Variants in SFMBT1 observed in about 807,000 individuals in gnomAD.
The protein encoded by SFMBT1 is scm-like with four MBT domains protein 1.
A neutral mutation model predicts 108.7 loss-of-function variants in SFMBT1; 32 were observed. The ratio of observed to expected loss-of-function variants is 0.29; its 90% CI spans 0.22 to 0.40. SFMBT1 has a LOEUF of 0.40. SFMBT1 is among the 10% of genes least tolerant of loss of function. The pLI, the probability that SFMBT1 is intolerant of heterozygous loss-of-function variation, is 1.00. For missense variants in SFMBT1, 816 were observed against 1,059.6 expected, an observed-to-expected ratio of 0.77 and a Z score of 3.19; for synonymous variants, 348 against 369.5, an observed-to-expected ratio of 0.94 and a Z score of 0.67.
intron 1 of SFMBT1, among the ~76,000 whole-genome samples, chr3:53,021,503 A>G (rs1370093548): frequency 6.6e-6 from 1 of 152,222 alleles, no homozygotes; most frequent in Non-Finnish European, 1.5e-5. Context: ...AAGTCAAAAG[A>G]CAACAAGTAT....
At chr3:53,021,750 T>C (rs998227187) in intron 1 of SFMBT1, among the ~76,000 whole-genome samples, 20 of 152,114 alleles carry the variant, frequency 1.3e-4, no homozygotes, top group African/African-American at 4.8e-4. Flanking sequence ...TATGGGAGTT[T>C]CCAATAACCA....
chr3:52,980,556 A>G (rs1184787991), intron 1 of SFMBT1, among the ~76,000 whole-genome samples: 5 of 152,140 alleles, frequency 3.3e-5, no homozygotes, highest in Non-Finnish European at 7.3e-5. Context: ...TGACATTATA[A>G]GAAAAAGCTG....
chr3:53,029,886 A>G (rs1447005537), intron 1 of SFMBT1, among the ~76,000 whole-genome samples: 1 of 151,348 alleles, frequency 6.6e-6, no homozygotes, highest in Admixed American at 6.6e-5. Flanking sequence ...CAGTTCCTCT[A>G]CCCTTGGCAT....
chr3:52,943,642 A>G, intron 3 of SFMBT1, 49 bp from the exon 4 acceptor site: 1 of 1,612,626 alleles, frequency 6.2e-7, no homozygotes, highest in Non-Finnish European at 8.5e-7. Context: ...TTAAATGAGT[A>G]TTTCTTTGAC....
chr3:53,012,322 T>C (rs1279469743), intron 1 of SFMBT1, among the ~76,000 whole-genome samples: 21 of 151,826 alleles, frequency 1.4e-4, no homozygotes. Context: ...GAATAAGAAG[T>C]AGGCATTTAA....
Position 52,996,087 on chromosome 3 carries a change from T to C in SFMBT1, c.-130-26829A>G, listed in dbSNP as rs2106904041. On this transcript the variant is annotated intron_variant, in intron 1 of 20. Transcript: ENST00000394752. ...CTCCATCTCAAAAAAAAACAAAACT[T>C]TTGCTCTTCAAAGACACAATGAAGA... Among the ~76,000 whole-genome samples the C allele has an allele frequency of 1.3e-5, 2 of 149,114 alleles. 1 individual carries two copies. The highest frequency in any genetic ancestry group is 3.9e-4 in the East Asian group (2 of 5,088).
At chr3:53,036,080 G>A (rs1699861023) in intron 1 of SFMBT1, among the ~76,000 whole-genome samples, 1 of 152,216 alleles carries the variant, frequency 6.6e-6, no homozygotes, top group Non-Finnish European at 1.5e-5. Flanking sequence ...AAGGAAGGAA[G>A]TGGGGTACAG....
intron 1 of SFMBT1, among the ~76,000 whole-genome samples, chr3:53,041,338 C>T (rs772504516): frequency 1.3e-5 from 2 of 152,036 alleles, no homozygotes; most frequent in African/African-American, 2.4e-5. Flanking sequence ...GTGTTCTTAT[C>T]CTTCCTCCCC....
intron 2 of SFMBT1, among the ~76,000 whole-genome samples, chr3:52,959,779 G>A (rs1319214876): frequency 6.6e-6 from 1 of 152,088 alleles, no homozygotes; most frequent in Non-Finnish European, 1.5e-5. Flanking sequence ...TGTTAAGTGA[G>A]CCAAGACTCA....
chr3:52,976,263 A>T lies in SFMBT1; in HGVS notation c.-130-7005T>A, dbSNP rs189117531. Among the ~76,000 whole-genome samples the T allele has an allele frequency of 2.3e-3, 346 of 152,294 alleles. 1 individual carries two copies. The highest frequency in any genetic ancestry group is 7.3e-3 in the African/African-American group (305 of 41,550). Reference sequence around the variant, plus strand: ...CAAAAAAAGTTTTTTCTCAAATCAAAATAGTGTAATATTAGCATAAGAAAA... The same window carrying T: ...CAAAAAAAGTTTTTTCTCAAATCAATATAGTGTAATATTAGCATAAGAAAA... On this transcript the variant is annotated intron_variant, in intron 1 of 20. Coordinates refer to ENST00000394752, the MANE Select transcript of SFMBT1 (RefSeq NM_016329.4).
chr3:52,974,858 T>A (rs913228603), intron 1 of SFMBT1, among the ~76,000 whole-genome samples: 21 of 97,638 alleles, frequency 2.2e-4, no homozygotes, highest in Middle Eastern at 5.8e-3. Flanking sequence ...AAAAAAAAAA[T>A]TAGCTGAGTG....
intron 14 of SFMBT1, among the ~76,000 whole-genome samples, chr3:52,915,871 A>G (rs950275015): frequency 1.3e-5 from 2 of 152,258 alleles, no homozygotes; most frequent in African/African-American, 4.8e-5. Context: ...TTCTTTAGCT[A>G]AAGTCAAGGA....
Position 52,932,111 on chromosome 3 carries a change from A to G in SFMBT1, c.651T>C (p.His217=), listed in dbSNP as rs770078020. 32 of 1,614,062 alleles carry G rather than the reference A, an allele frequency of 2.0e-5. No individual in the cohort carries two copies. Among genetic ancestry groups the G allele is most frequent in the Non-Finnish European group, 2.6e-5 (31 of 1,180,052 alleles). ...CCTGTTGAGCAGCCCAACCAACGTG[A>G]TGAAGAAATGGATCCAAGTAATACA... The part of the protein sequence containing the change: ...HWLYYLDPFL[H]HVGWAAQQGY... Residue 217 remains histidine (H), a synonymous_variant, in exon 6 of 21, where the codon CAT becomes CAC. Coordinates refer to ENST00000394752, the MANE Select transcript of SFMBT1 (RefSeq NM_016329.4).
rs1702876469 is a variant in SFMBT1, at chr3:52,932,065, A to C, written c.697T>G (p.Ser233Ala). The C allele has an allele frequency of 6.2e-7, 1 of 1,613,594 alleles. No homozygotes were observed. Among genetic ancestry groups the C allele is most frequent in the African/African-American group, 1.3e-5 (1 of 75,052 alleles). The change falls in exon 6 of 21, where the codon TCA becomes GCA. Residue 233 changes from serine (S) to alanine (A), a missense_variant. Transcript: ENST00000394752. ...AQQGYELQPP[S>A]AIRHLKNEAE... ...AAAATGTCCTATTACTCTTCACCTG[A>C]AGGGGGCTGAAGCTCATATCCCTGT... is the stretch of plus-strand genomic sequence containing the variant.
chr3:52,906,747 T>A (rs1702074357), intron 19 of SFMBT1, among the ~76,000 whole-genome samples: 1 of 152,188 alleles, frequency 6.6e-6, no homozygotes, highest in Non-Finnish European at 1.5e-5. Flanking sequence ...AAACCATATA[T>A]ATTATGAAAC....
intron 15 of SFMBT1, 106 bp from the exon 16 acceptor site, chr3:52,912,753 A>G (rs972378735): frequency 1.2e-6 from 1 of 808,732 alleles, no homozygotes; most frequent in Non-Finnish European, 2.1e-6. Context: ...AGGAGGTTAA[A>G]TTCTAGTCAT....
intron 6 of SFMBT1, among the ~76,000 whole-genome samples, chr3:52,931,289 T>C (rs1702850617): frequency 6.6e-6 from 1 of 152,162 alleles, no homozygotes; most frequent in Non-Finnish European, 1.5e-5. Flanking sequence ...ATCCATAAAA[T>C]TGTAATATAA....
At chr3:53,024,179 T>C (rs1575445583) in intron 1 of SFMBT1, among the ~76,000 whole-genome samples, 1 of 152,220 alleles carries the variant, frequency 6.6e-6, no homozygotes, top group East Asian at 1.9e-4. Flanking sequence ...AAATTTTAGA[T>C]ACGTCAACTG....
At chr3:52,999,585 C>T (rs1033280676) in intron 1 of SFMBT1, among the ~76,000 whole-genome samples, 1 of 150,338 alleles carries the variant, frequency 6.7e-6, no homozygotes, top group African/African-American at 2.4e-5. Flanking sequence ...TATGTTCAAA[C>T]GCTCCAGAAG....
Sources: gnomAD v4.1 joint callset for allele counts (sites outside exome capture counted in the v4.1 genomes callset) on GRCh38, gnomAD v4.1.1 for gene constraint, MANE v1.5 for transcripts, NCBI Gene and HGNC (gene_info 2026-07-23, HGNC 2026-07-21) for gene names.